Variants in FUT8 observed in about 807,000 individuals in gnomAD.
FUT8 encodes alpha-(1,6)-fucosyltransferase.
FUT8 carries 29 observed loss-of-function variants against 71.3 expected under a neutral mutation model. The ratio of observed to expected loss-of-function variants is 0.41; its 90% CI spans 0.30 to 0.55. The LOEUF is 0.55. FUT8 is among the 20% of genes least tolerant of loss of function. FUT8 has a pLI of 0.34. For synonymous variants in FUT8, 254 were observed against 239.3 expected (o/e 1.06, Z -0.57); for missense variants, 544 against 702.1 (o/e 0.77, Z 2.55).
intron 6 of FUT8, among the ~76,000 whole-genome samples, chr14:65,642,215 G>A (rs1220955986): frequency 6.6e-6 from 1 of 152,068 alleles, no homozygotes; most frequent in African/African-American, 2.4e-5. Context: ...TAAGAATTGA[G>A]GTTCATTTTT....
At chr14:65,477,881 CAA>C (rs1438511840) in intron 2 of FUT8, among the ~76,000 whole-genome samples, 1 of 150,282 alleles carries the variant, frequency 6.7e-6, no homozygotes. Context: ...TTACCCCCCT[CAA>C]AGGAGTTCTA....
chr14:65,458,834 G>T (rs2065932416), intron 2 of FUT8, among the ~76,000 whole-genome samples: 1 of 148,560 alleles, frequency 6.7e-6, no homozygotes, highest in Non-Finnish European at 1.5e-5. Context: ...TGCCACTCAG[G>T]CTGGAGTGCA....
intron 6 of FUT8, among the ~76,000 whole-genome samples, chr14:65,640,957 G>C (rs1890797091): frequency 6.6e-6 from 1 of 152,036 alleles, no homozygotes; most frequent in South Asian, 2.1e-4. Flanking sequence ...AAACTCAAGG[G>C]TAATCTCTTT....
intron 7 of FUT8, among the ~76,000 whole-genome samples, chr14:65,709,009 G>C (rs1894690197): frequency 6.6e-6 from 1 of 152,158 alleles, no homozygotes; most frequent in Non-Finnish European, 1.5e-5. Context: ...CTAATGTTCT[G>C]ATTACAAAAG....
intron 7 of FUT8, among the ~76,000 whole-genome samples, chr14:65,720,877 G>GGGTGTTGCTTGCCAGTTGGCCT (rs1895380051): frequency 6.6e-6 from 1 of 152,072 alleles, no homozygotes; most frequent in Non-Finnish European, 1.5e-5. Context: ...CTAATGGCCC[G>GGGTGTTGCTTGCCAGTTGGCCT]GGTGTTGCTT....
At chr14:65,357,448 T>C in the FUT8 span, among the ~76,000 whole-genome samples, 5 of 152,230 alleles carry the variant, frequency 3.3e-5, no homozygotes, top group Non-Finnish European at 2.9e-5. Flanking sequence ...GATTCACTGC[T>C]AGAATACTCG....
At chr14:65,364,298 G>A in the FUT8 span, among the ~76,000 whole-genome samples, 3 of 151,172 alleles carry the variant, frequency 2.0e-5, no homozygotes, top group East Asian at 3.9e-4. Flanking sequence ...TCCACCTCCC[G>A]GGTTCAAGCA....
intron 7 of FUT8, among the ~76,000 whole-genome samples, chr14:65,695,204 G>C (rs946321959): frequency 1.9e-4 from 29 of 152,170 alleles, no homozygotes; most frequent in African/African-American, 6.8e-4. Flanking sequence ...GTTCAACTGT[G>C]TCTTTACCAA....
In FUT8 at chr14:65,543,959, G is replaced by T. The variant is rs748403260; in HGVS notation, c.-227-17378G>T. On this transcript the variant is annotated intron_variant, in intron 2 of 10. Coordinates refer to ENST00000673929, the MANE Select transcript of FUT8 (RefSeq NM_001371533.1). ...AAAAGGGATTTTTCACAGTTTCATT[G>T]AACCCCATTGAATTAGCTTTTTTGC... Among the ~76,000 whole-genome samples the T allele has an allele frequency of 7.2e-5, 11 of 152,246 alleles. No individual in the cohort carries two copies. The Middle Eastern group carries it at 0.01, about 141-fold the overall frequency.
intron 3 of FUT8, among the ~76,000 whole-genome samples, chr14:65,600,830 A>G (rs755907596): frequency 5.2e-4 from 79 of 152,236 alleles, no homozygotes; most frequent in Middle Eastern, 3.4e-3. Flanking sequence ...ATTATTAATC[A>G]CTCATTGCCC....
intron 2 of FUT8, among the ~76,000 whole-genome samples, chr14:65,534,350 G>A (rs554106611): frequency 1.3e-5 from 2 of 151,106 alleles, no homozygotes; most frequent in Non-Finnish European, 3.0e-5. Context: ...TCACCATGTC[G>A]CCCAGGCTGG....
At chr14:65,680,646 G>A (rs901587681) in intron 7 of FUT8, among the ~76,000 whole-genome samples, 1 of 152,154 alleles carries the variant, frequency 6.6e-6, no homozygotes, top group African/African-American at 2.4e-5. Context: ...GTATTGTTAG[G>A]TCATATGAAA....
intron 10 of FUT8, among the ~76,000 whole-genome samples, chr14:65,737,747 T>G (rs762017074): frequency 1.3e-5 from 2 of 152,102 alleles, no homozygotes; most frequent in Non-Finnish European, 2.9e-5. Context: ...TTTCAGCCAT[T>G]AAAAGTTATC....
intron 7 of FUT8, among the ~76,000 whole-genome samples, chr14:65,708,291 C>T (rs769405346): frequency 6.6e-6 from 1 of 152,162 alleles, no homozygotes; most frequent in Non-Finnish European, 1.5e-5. Flanking sequence ...CCTTACTTTC[C>T]CTTCGCCTTC....
intron 2 of FUT8, among the ~76,000 whole-genome samples, chr14:65,459,125 AG>A (rs1173114089): frequency 6.6e-6 from 1 of 152,172 alleles, no homozygotes; most frequent in Non-Finnish European, 1.5e-5. Flanking sequence ...CATTTTAGGC[AG>A]AGTCAGAGCA....
At chr14:65,532,901 C>G (rs938727605) in intron 2 of FUT8, among the ~76,000 whole-genome samples, 4 of 152,182 alleles carry the variant, frequency 2.6e-5, no homozygotes, top group African/African-American at 9.7e-5. Flanking sequence ...AATCCTTTCT[C>G]CATTGCTTGT....
chr14:65,448,205 A>G lies in FUT8; in HGVS notation c.-325-7416A>G, dbSNP rs116222271. ...AGTGGAGCTGGTACTAGAAACCATA[A>G]AAACGCCAGATGATGTTTGTGGTAT... On this transcript the variant is annotated intron_variant, in intron 1 of 10. Coordinates refer to ENST00000673929, the MANE Select transcript of FUT8 (RefSeq NM_001371533.1). 3.5e-3 allele frequency among the ~76,000 whole-genome samples: 527 copies of G among 152,228 alleles called. 2 individuals carry two copies. Among genetic ancestry groups the G allele is most frequent in the African/African-American group, 0.012 (500 of 41,536 alleles).
At chr14:65,666,784 T>C (rs1164494771) in intron 6 of FUT8, among the ~76,000 whole-genome samples, 1 of 152,036 alleles carries the variant, frequency 6.6e-6, no homozygotes, top group Non-Finnish European at 1.5e-5. Context: ...AACAAAATAA[T>C]AGCAAGCCAA....
At chr14:65,557,158 T>A (rs1885627303) in intron 2 of FUT8, among the ~76,000 whole-genome samples, 1 of 152,182 alleles carries the variant, frequency 6.6e-6, no homozygotes, top group Non-Finnish European at 1.5e-5. Flanking sequence ...GCTTCCAGAT[T>A]CAGAAAAAGT....
Sources: gnomAD v4.1 joint callset for allele counts (sites outside exome capture counted in the v4.1 genomes callset) on GRCh38, gnomAD v4.1.1 for gene constraint, MANE v1.5 for transcripts, NCBI Gene and HGNC (gene_info 2026-07-23, HGNC 2026-07-21) for gene names.